NME7: variants seen among roughly 807,000 people sequenced by gnomAD.
The protein encoded by NME7 is nucleoside diphosphate kinase 7.
A neutral mutation model predicts 49.1 loss-of-function variants in NME7; 41 were observed. That is an observed-to-expected ratio of 0.83 (90% CI 0.65 to 1.08). The LOEUF (loss-of-function observed/expected upper bound fraction) is 1.08. Ranked by LOEUF, NME7 falls within the 50% of genes least tolerant of loss-of-function variation. The pLI is 0.00. For synonymous variants in NME7, 139 were observed against 150.6 expected (o/e 0.92, Z 0.56); for missense variants, 423 against 463.4 (o/e 0.91, Z 0.80).
At chr1:169,320,871 G>A (rs1375352274) in intron 3 of NME7, among the ~76,000 whole-genome samples, 1 of 152,068 alleles carries the variant, frequency 6.6e-6, no homozygotes, top group Non-Finnish European at 1.5e-5. Flanking sequence ...CCATTCAACA[G>A]TATTTGCCAG....
At chr1:169,251,505 G>A (rs1410111040) in intron 7 of NME7, among the ~76,000 whole-genome samples, 1 of 144,354 alleles carries the variant, frequency 6.9e-6, no homozygotes, top group African/African-American at 2.5e-5. Flanking sequence ...GTGAGGTACT[G>A]TTCCAGTTAT....
At chr1:169,292,951 A>C (rs1311781984) in intron 6 of NME7, among the ~76,000 whole-genome samples, 2 of 152,104 alleles carry the variant, frequency 1.3e-5, no homozygotes, top group African/African-American at 2.4e-5. Context: ...CTGGCTCCCA[A>C]ATTTCTTTCC....
At chr1:169,344,898 A>G (rs1385592728) in intron 1 of NME7, among the ~76,000 whole-genome samples, 1 of 152,128 alleles carries the variant, frequency 6.6e-6, no homozygotes, top group African/African-American at 2.4e-5. Context: ...TTTCCAGAAA[A>G]GTTTGTGAAA....
intron 1 of NME7, among the ~76,000 whole-genome samples, chr1:169,345,759 T>G (rs777426301): frequency 1.1e-4 from 17 of 152,168 alleles, no homozygotes; most frequent in Non-Finnish European, 2.2e-4. Context: ...GCCAGACCAC[T>G]CCCTCTAAAT....
At chr1:169,224,149 G>C (rs1188956872) in intron 10 of NME7, among the ~76,000 whole-genome samples, 2 of 152,160 alleles carry the variant, frequency 1.3e-5, no homozygotes, top group Admixed American at 1.3e-4. Flanking sequence ...CCTTGGTCAT[G>C]CCAATCAGGC....
intron 10 of NME7, among the ~76,000 whole-genome samples, chr1:169,201,340 T>A (rs1462099155): frequency 6.6e-6 from 1 of 152,066 alleles, no homozygotes; most frequent in African/African-American, 2.4e-5. Context: ...TCAGGAGACA[T>A]TGGGAGCCAC....
At chr1:169,366,503 G>C (rs981658258) in intron 1 of NME7, among the ~76,000 whole-genome samples, 53 of 152,272 alleles carry the variant, frequency 3.5e-4, no homozygotes, top group African/African-American at 1.2e-3. Context: ...CTTGAGCACT[G>C]AAGAGAAGAA....
chr1:169,277,242 T>C (rs1649773412), intron 7 of NME7, among the ~76,000 whole-genome samples: 1 of 144,644 alleles, frequency 6.9e-6, no homozygotes, highest in South Asian at 2.3e-4. Context: ...TGGGTATGCT[T>C]GTTGACTTTC....
chr1:169,354,946 TATTATATATGTTTATATATAATATA>T (rs1257390939), intron 1 of NME7, among the ~76,000 whole-genome samples: 11,243 of 69,282 alleles, frequency 0.16, 1,677 homozygotes, highest in Non-Finnish European at 0.19. Flanking sequence ...ATGTATTATA[TATTATATATGTTTATATATAATATA>T]ATTATATATG....
intron 10 of NME7, among the ~76,000 whole-genome samples, chr1:169,173,770 G>A (rs1300238270): frequency 6.6e-6 from 1 of 151,990 alleles, no homozygotes; most frequent in East Asian, 1.9e-4. Context: ...TTAAACTCTG[G>A]TGAAGACCAT....
chr1:169,176,487 A>T lies in NME7; in HGVS notation c.991-6933T>A, dbSNP rs1331576806. ...CACATCTCACTTTTCATTAGATAAA[A>T]AATAGCTGTAATGTAAATTTATAGA... On this transcript the variant is annotated intron_variant, in intron 10 of 11. Transcript: ENST00000367811. Among the ~76,000 whole-genome samples, 18 of 152,186 alleles carry T rather than the reference A, an allele frequency of 1.2e-4. 1 individual carries two copies. The highest frequency in any genetic ancestry group is 7.9e-4 in the Admixed American group (12 of 15,282).
At chr1:169,348,766 A>AGG (rs1313550170) in intron 1 of NME7, among the ~76,000 whole-genome samples, 2 of 152,144 alleles carry the variant, frequency 1.3e-5, no homozygotes, top group African/African-American at 4.8e-5. Context: ...GCAGAGCCCT[A>AGG]GTCAAGTATC....
At chr1:169,320,919 T>G (rs958842116) in intron 3 of NME7, among the ~76,000 whole-genome samples, 11 of 152,198 alleles carry the variant, frequency 7.2e-5, no homozygotes, top group African/African-American at 2.7e-4. Flanking sequence ...AGAATGAATT[T>G]TAGGGAAAAA....
chr1:169,333,651 A>T (rs551694068), intron 1 of NME7, among the ~76,000 whole-genome samples: 17 of 151,912 alleles, frequency 1.1e-4, no homozygotes, highest in East Asian at 5.8e-4. Flanking sequence ...TTAATATTTT[A>T]AAAAAAAAGA....
rs572415073 is a variant in NME7 at position 169,268,267 on chromosome 1, T to C, written c.754+19036A>G. 1.6e-4 allele frequency among the ~76,000 whole-genome samples: 21 copies of C among 133,808 alleles called. 3 individuals carry two copies. Among genetic ancestry groups the C allele is most frequent in the African/African-American group, 5.3e-4 (21 of 39,642 alleles). The allele number at this position is 133,808 out of a possible 152,430, so 87.8% of individuals were successfully genotyped here. ...CATCTCACACCAGTCAGAATGGCTA[T>C]TACTAAAAAGTCAAAAAATAACAGA... is the stretch of plus-strand genomic sequence containing the variant. On this transcript the variant is annotated intron_variant, in intron 7 of 11. Coordinates refer to ENST00000367811, the MANE Select transcript of NME7 (RefSeq NM_013330.5).
At chr1:169,200,100 G>A (rs1185516631) in intron 10 of NME7, among the ~76,000 whole-genome samples, 2 of 151,728 alleles carry the variant, frequency 1.3e-5, no homozygotes, top group African/African-American at 4.8e-5. Context: ...TGAGTATGAC[G>A]GTCCCATTCT....
intron 1 of NME7, among the ~76,000 whole-genome samples, chr1:169,349,452 G>C (rs1653073002): frequency 6.6e-6 from 1 of 152,100 alleles, no homozygotes; most frequent in South Asian, 2.1e-4. Context: ...GAATATGCGT[G>C]ACATTCAGTG....
At chr1:169,231,743 C>T (rs1647629000) in intron 9 of NME7, among the ~76,000 whole-genome samples, 1 of 151,696 alleles carries the variant, frequency 6.6e-6, no homozygotes, top group South Asian at 2.1e-4. Flanking sequence ...GGAGAGTCCT[C>T]AGAAGGGTAC....
intron 11 of NME7, among the ~76,000 whole-genome samples, chr1:169,150,326 T>C (rs1490572967): frequency 1.3e-5 from 2 of 152,232 alleles, no homozygotes; most frequent in Non-Finnish European, 2.9e-5. Flanking sequence ...TCTATCTGTA[T>C]ACTTGTTATA....
Sources: allele counts gnomAD v4.1 joint callset (sites outside exome capture counted in the v4.1 genomes callset), GRCh38; gene constraint gnomAD v4.1.1; transcripts MANE v1.5; gene names NCBI Gene and HGNC (gene_info 2026-07-23, HGNC 2026-07-21).